The following DCC variants were observed in gnomAD, a reference collection of about 807,000 sequenced individuals.
DCC encodes the protein DCC netrin 1 receptor, also known as netrin receptor DCC.
DCC carries 58 observed loss-of-function variants against 172.5 expected under a neutral mutation model. That is an observed-to-expected ratio of 0.34 (90% CI 0.27 to 0.42). DCC has a LOEUF of 0.42. Among genes scored for constraint, DCC ranks in the 10% least tolerant of loss-of-function variants. The pLI is 1.00. For synonymous variants in DCC, 709 were observed against 644.5 expected (o/e 1.10, Z -1.52); for missense variants, 1,740 against 1,791.0 (o/e 0.97, Z 0.51).
At chr18:52,438,573 C>A (rs1203230528) in intron 1 of DCC, among the ~76,000 whole-genome samples, 3 of 152,168 alleles carry the variant, frequency 2.0e-5, no homozygotes, top group Non-Finnish European at 2.9e-5. Flanking sequence ...AAAGTAGAAT[C>A]TTTTAAAAGT....
intron 7 of DCC, among the ~76,000 whole-genome samples, chr18:53,127,752 T>C (rs1359736400): frequency 1.3e-5 from 2 of 152,130 alleles, no homozygotes; most frequent in East Asian, 3.9e-4. Context: ...TTAGAAGTGG[T>C]GCCAGAGTCA....
chr18:53,499,133 C>G (rs1298777357), intron 26 of DCC, among the ~76,000 whole-genome samples, 165 bp from the exon 27 acceptor site: 2 of 152,096 alleles, frequency 1.3e-5, no homozygotes, highest in Non-Finnish European at 2.9e-5. Flanking sequence ...CTGTCATGTT[C>G]CGTAAGTATA....
At position 52,834,065 on chromosome 18, in the gene DCC, T is replaced by C. The variant is rs184039937; in HGVS notation, c.413-71979T>C. Among the ~76,000 whole-genome samples, 8 of 152,252 alleles carry C rather than the reference T, an allele frequency of 5.3e-5. No homozygotes were observed. The East Asian group carries it at 1.6e-3, about 30-fold the overall frequency. On this transcript the variant is annotated intron_variant, in intron 2 of 28. Transcript: ENST00000442544. ...GCTTCTGCAGAAAACAGGTCTCTCA[T>C]CTGTGGCTTAGCACTGTGTGGAGGA...
intron 7 of DCC, among the ~76,000 whole-genome samples, chr18:53,155,523 T>C (rs2054716667): frequency 6.6e-6 from 1 of 152,176 alleles, no homozygotes; most frequent in Admixed American, 6.5e-5. Flanking sequence ...AAAATATACA[T>C]GCACATATGT....
At chr18:52,857,010 T>C (rs1265291990) in intron 2 of DCC, among the ~76,000 whole-genome samples, 1 of 152,262 alleles carries the variant, frequency 6.6e-6, no homozygotes, top group Admixed American at 6.5e-5. Context: ...TCTATATGTA[T>C]AAGCAGATCC....
intron 12 of DCC, among the ~76,000 whole-genome samples, chr18:53,217,262 T>TACAC (rs36226906): frequency 0.055 from 7,292 of 133,204 alleles, 192 homozygotes; most frequent in African/African-American, 0.079. Context: ...ATATATATTA[T>TACAC]ACACACACAC....
At chr18:52,936,460 T>C (rs1403202369) in intron 5 of DCC, among the ~76,000 whole-genome samples, 1 of 121,586 alleles carries the variant, frequency 8.2e-6, no homozygotes, top group Non-Finnish European at 1.9e-5. Context: ...CCCTTTCCTT[T>C]CTCCCTTCCA....
chr18:52,401,542 T>G (rs950562627), intron 1 of DCC, among the ~76,000 whole-genome samples: 1 of 152,030 alleles, frequency 6.6e-6, no homozygotes, highest in African/African-American at 2.4e-5. Flanking sequence ...CTTAATTGAC[T>G]CAGTCTACAG....
intron 2 of DCC, among the ~76,000 whole-genome samples, chr18:52,762,941 A>AACTT (rs1179417165): frequency 6.6e-6 from 1 of 152,236 alleles, no homozygotes; most frequent in Non-Finnish European, 1.5e-5. Context: ...TTTACATCCT[A>AACTT]ACTTAGGTTA....
At chr18:52,359,904 T>C (rs1400505157) in intron 1 of DCC, among the ~76,000 whole-genome samples, 2 of 152,166 alleles carry the variant, frequency 1.3e-5, no homozygotes, top group Admixed American at 1.3e-4. Flanking sequence ...CACCAAAAAG[T>C]TGGCCAATTT....
intron 2 of DCC, among the ~76,000 whole-genome samples, chr18:52,859,532 G>A (rs931168278): frequency 1.3e-5 from 2 of 152,200 alleles, no homozygotes; most frequent in African/African-American, 2.4e-5. Flanking sequence ...GGGGACCAGG[G>A]AAGAGGAGGC....
At chr18:52,551,862 C>T (rs1462341007) in intron 1 of DCC, among the ~76,000 whole-genome samples, 3 of 152,072 alleles carry the variant, frequency 2.0e-5, no homozygotes, top group Non-Finnish European at 4.4e-5. Flanking sequence ...CAACTATCCC[C>T]ATGAGCAGCA....
At chr18:52,644,779 AGAAGGAAAGAAG>A (rs1293511595) in intron 1 of DCC, among the ~76,000 whole-genome samples, 103 of 30,074 alleles carry the variant, frequency 3.4e-3, no homozygotes, top group African/African-American at 0.01. Flanking sequence ...AAGAAAGGAA[AGAAGGAAAGAAG>A]GAAAGAAGGA....
At chr18:53,341,404 C>T (rs2057657914) in intron 15 of DCC, among the ~76,000 whole-genome samples, 1 of 152,126 alleles carries the variant, frequency 6.6e-6, no homozygotes, top group Non-Finnish European at 1.5e-5. Flanking sequence ...GGGAGATTAA[C>T]GTTGGCAAAT....
At chr18:52,382,824 A>G (rs993332145) in intron 1 of DCC, among the ~76,000 whole-genome samples, 4 of 152,062 alleles carry the variant, frequency 2.6e-5, no homozygotes, top group African/African-American at 9.7e-5. Flanking sequence ...CGTACCTGTA[A>G]TACTCAGGTG....
At position 53,472,201 on chromosome 18, in the gene DCC, G is replaced by A. The variant is rs145929463; in HGVS notation, c.3736+4191G>A. Among the ~76,000 whole-genome samples, 434 of 152,204 alleles carry A rather than the reference G, an allele frequency of 2.9e-3. 3 individuals carry two copies. The highest frequency in any genetic ancestry group is 8.5e-3 in the African/African-American group (355 of 41,530). ...CATGTAGTAAGCACTATTGTTATGC[G>A]TCTCATTGTTAGGTTCTCTCATTTA... On this transcript the variant is annotated intron_variant, in intron 25 of 28. Transcript: ENST00000442544.
intron 7 of DCC, among the ~76,000 whole-genome samples, chr18:53,121,132 C>T (rs574976899): frequency 8.6e-5 from 13 of 151,870 alleles, no homozygotes; most frequent in African/African-American, 2.9e-4. Context: ...ATCCAACACA[C>T]GTTCATTTGT....
intron 3 of DCC, among the ~76,000 whole-genome samples, chr18:52,911,199 G>T (rs1022077962): frequency 3.3e-5 from 5 of 152,078 alleles, no homozygotes; most frequent in African/African-American, 1.2e-4. Context: ...CTTTTAAAAT[G>T]TATTAAGCCA....
intron 1 of DCC, among the ~76,000 whole-genome samples, chr18:52,437,735 C>T (rs1216757286): frequency 2.6e-5 from 4 of 152,212 alleles, no homozygotes; most frequent in African/African-American, 9.6e-5. Context: ...GCTTATCCCA[C>T]TTGTCTCTTC....
Sources: allele counts gnomAD v4.1 joint callset (sites outside exome capture counted in the v4.1 genomes callset), GRCh38; gene constraint gnomAD v4.1.1; transcripts MANE v1.5; gene names NCBI Gene and HGNC (gene_info 2026-07-23, HGNC 2026-07-21).